Variants in FAM13B observed in about 807,000 individuals in gnomAD.
FAM13B encodes family with sequence similarity 13 member B.
Under a neutral mutation model 117.3 loss-of-function variants are expected in FAM13B, and 60 were observed. The observed-to-expected ratio is 0.51, with a 90% CI of 0.42 to 0.63. The LOEUF is 0.63. FAM13B is among the 30% of genes least tolerant of loss of function. The pLI is 0.00. For synonymous variants in FAM13B, 332 were observed against 356.1 expected (o/e 0.93, Z 0.76); for missense variants, 972 against 1,091.9 (o/e 0.89, Z 1.55).
At chr5:138,020,531 C>T (rs1468574729) in intron 2 of FAM13B, among the ~76,000 whole-genome samples, 1 of 151,986 alleles carries the variant, frequency 6.6e-6, no homozygotes, top group African/African-American at 2.4e-5. Flanking sequence ...ACAAGTAATC[C>T]TAAGAAAAAT....
At position 138,019,132 on chromosome 5, in the gene FAM13B, T is replaced by C. The variant is rs746530468; in HGVS notation, c.-21A>G. 10 of 1,601,002 alleles carry C rather than the reference T, an allele frequency of 6.2e-6. No individual in the cohort carries two copies. Among genetic ancestry groups the C allele is most frequent in the Middle Eastern group, 1.7e-4 (1 of 5,960 alleles). ...CTCATATCTTTTTTGCAGCCAGAAATCAAAGCTGTCTTTTCTGCCAAATGA... is the reference window on the plus strand; with the variant it reads ...CTCATATCTTTTTTGCAGCCAGAAACCAAAGCTGTCTTTTCTGCCAAATGA... On this transcript the variant is annotated 5_prime_UTR_variant, in exon 3 of 24. Transcript: ENST00000689681.
At chr5:137,973,495 C>T (rs996925326) in intron 10 of FAM13B, among the ~76,000 whole-genome samples, 2 of 152,072 alleles carry the variant, frequency 1.3e-5, no homozygotes, top group Non-Finnish European at 2.9e-5. Flanking sequence ...AGACCTAAAA[C>T]CATAAAAACC....
At chr5:137,976,082 A>G (rs1773892641) in intron 10 of FAM13B, among the ~76,000 whole-genome samples, 1 of 143,934 alleles carries the variant, frequency 6.9e-6, no homozygotes, top group Non-Finnish European at 1.5e-5. Context: ...TCAGCCTCCC[A>G]AGTAGCTGGG....
At chr5:137,965,204 C>T (rs991670741) in intron 10 of FAM13B, among the ~76,000 whole-genome samples, 4 of 152,062 alleles carry the variant, frequency 2.6e-5, no homozygotes, top group African/African-American at 9.7e-5. Flanking sequence ...AATAAAATAT[C>T]AGCAGGCAAA....
At chr5:137,955,350 A>G (rs1394396073) in intron 14 of FAM13B, among the ~76,000 whole-genome samples, 3 of 152,146 alleles carry the variant, frequency 2.0e-5, no homozygotes, top group South Asian at 4.1e-4. Context: ...CTTCTGCTAC[A>G]GGATTCCTAT....
intron 10 of FAM13B, among the ~76,000 whole-genome samples, chr5:137,964,946 C>A (rs1158464669): frequency 6.6e-6 from 1 of 152,052 alleles, no homozygotes; most frequent in Admixed American, 6.6e-5. Context: ...GCGGATGGAT[C>A]ACTTGAGGTC....
intron 6 of FAM13B, among the ~76,000 whole-genome samples, chr5:138,008,285 T>C (rs1783044023): frequency 6.6e-6 from 1 of 151,902 alleles, no homozygotes; most frequent in African/African-American, 2.4e-5. Context: ...TACAAAAAAA[T>C]ACAAAAATTA....
intron 1 of FAM13B, among the ~76,000 whole-genome samples, chr5:138,029,261 C>T (rs1250358307): frequency 1.3e-5 from 2 of 152,188 alleles, no homozygotes; most frequent in African/African-American, 4.8e-5. Flanking sequence ...GCAACTAGAA[C>T]TCTAAGTCTA....
At chr5:137,965,892 G>C (rs1769569307) in intron 10 of FAM13B, among the ~76,000 whole-genome samples, 1 of 152,068 alleles carries the variant, frequency 6.6e-6, no homozygotes, top group Admixed American at 6.6e-5. Context: ...GAAATGAATG[G>C]ATTTTACTGA....
At chr5:137,956,437 T>C in intron 14 of FAM13B, 40 bp downstream of exon 14, 1 of 1,338,538 alleles carries the variant, frequency 7.5e-7, no homozygotes, top group Non-Finnish European at 1.0e-6. Flanking sequence ...AAGTGAACCA[T>C]AAAAGGCAAA....
intron 6 of FAM13B, among the ~76,000 whole-genome samples, chr5:138,009,088 C>T (rs1783290728): frequency 6.6e-6 from 1 of 152,166 alleles, no homozygotes; most frequent in Non-Finnish European, 1.5e-5. Context: ...TGCAGTGAGC[C>T]AAGATCGCAC....
chr5:138,004,674 G>A (rs566133001), intron 7 of FAM13B, among the ~76,000 whole-genome samples: 1 of 152,136 alleles, frequency 6.6e-6, no homozygotes, highest in East Asian at 1.9e-4. Flanking sequence ...AAGCCCAGGA[G>A]CTCAAGGCCA....
At chr5:138,031,682 C>T (rs1193402763) in intron 1 of FAM13B, among the ~76,000 whole-genome samples, 1 of 142,324 alleles carries the variant, frequency 7.0e-6, no homozygotes, top group Admixed American at 7.1e-5. Context: ...GAAACTGTCT[C>T]AAGGAAAAAA....
Position 137,939,722 on chromosome 5 carries a change from T to G in FAM13B, c.*503A>C. On this transcript the variant is annotated 3_prime_UTR_variant, in exon 24 of 24. Transcript: ENST00000689681. The stretch of plus-strand genomic sequence containing the variant: ...AGTACGACTTGAAATCTCAGTTTGA[T>G]TTTGGTTTTCTAGGAAAACAGAGAA... The G allele has an allele frequency of 3.1e-6, 1 of 325,376 alleles. No individual in the cohort carries two copies. The highest frequency in any genetic ancestry group is 4.6e-6 in the Non-Finnish European group (1 of 215,696). 20.2% of individuals were successfully genotyped at this position (325,376 alleles called of 1,614,324 possible).
At chr5:137,967,269 TA>T (rs1444415991) in intron 10 of FAM13B, among the ~76,000 whole-genome samples, 1 of 152,206 alleles carries the variant, frequency 6.6e-6, no homozygotes, top group Non-Finnish European at 1.5e-5. Flanking sequence ...CTTATGCCTG[TA>T]ATCCCAGCCC....
intron 10 of FAM13B, among the ~76,000 whole-genome samples, chr5:137,983,176 T>TAAAAAAAAAAAAA (rs56880991): frequency 1.3e-5 from 1 of 75,098 alleles, no homozygotes; most frequent in Non-Finnish European, 2.5e-5. Flanking sequence ...CCAGTGTAGG[T>TAAAAAAAAAAAAA]AAAAAAAAAA....
chr5:137,989,395 A>G (rs897271334), intron 7 of FAM13B, among the ~76,000 whole-genome samples: 2 of 152,240 alleles, frequency 1.3e-5, no homozygotes, highest in African/African-American at 2.4e-5. Flanking sequence ...TCTGACACAC[A>G]TAACCCCTCC....
chr5:137,996,698 T>C (rs2150717810), intron 7 of FAM13B, among the ~76,000 whole-genome samples: 1 of 152,024 alleles, frequency 6.6e-6, no homozygotes, highest in Admixed American at 6.6e-5. Flanking sequence ...TTCAAGCGAT[T>C]CTCCTGCCTC....
intron 14 of FAM13B, among the ~76,000 whole-genome samples, chr5:137,955,309 C>T (rs370772380): frequency 3.9e-4 from 59 of 152,290 alleles, no homozygotes; most frequent in African/African-American, 1.3e-3. Flanking sequence ...CTGACAGCAC[C>T]TGGCCTCTAA....
Sources: allele counts gnomAD v4.1 joint callset (sites outside exome capture counted in the v4.1 genomes callset), GRCh38; gene constraint gnomAD v4.1.1; transcripts MANE v1.5; gene names NCBI Gene and HGNC (gene_info 2026-07-23, HGNC 2026-07-21).